The following DIABLO variants were observed in gnomAD, a reference collection of about 807,000 sequenced individuals.
DIABLO encodes the protein diablo homolog, mitochondrial.
A neutral mutation model predicts 31.7 loss-of-function variants in DIABLO; 32 were observed. The observed-to-expected ratio is 1.01, with a 90% CI of 0.76 to 1.35. The LOEUF is 1.35. Among genes scored for constraint, DIABLO ranks in the 40% most tolerant of loss-of-function variants. The probability of loss-of-function intolerance (pLI) is 0.00; values close to 1 mark genes in which losing one functional copy is unlikely to be tolerated. For synonymous variants in DIABLO, 132 were observed against 103.2 expected, an observed-to-expected ratio of 1.28 and a Z score of -1.69; for missense variants, 316 against 286.4, an observed-to-expected ratio of 1.10 and a Z score of -0.75.
Position 122,208,222 on chromosome 12 carries a change from G to T in DIABLO, c.*159C>A. ...GGTCCAGCGCAAGCCTGAGACCACA[G>T]GAGGCACTCACAGCTCACAAAGGCG... On this transcript the variant is annotated 3_prime_UTR_variant, in exon 6 of 6. Transcript: ENST00000464942. 1.2e-6 allele frequency: 1 copy of T among 826,230 alleles called. No individual in the cohort carries two copies. Among genetic ancestry groups the T allele is most frequent in the Non-Finnish European group, 2.0e-6 (1 of 499,922 alleles). 51.2% of individuals were successfully genotyped at this position (826,230 alleles called of 1,614,324 possible).
Position 122,216,116 on chromosome 12 carries a change from G to T in DIABLO, c.523+372C>A, listed in dbSNP as rs140666311. On this transcript the variant is annotated intron_variant, in intron 5 of 5. Coordinates refer to ENST00000464942, the MANE Select transcript of DIABLO (RefSeq NM_001371333.1). ...TCATTTTCTCCATCTGTACAAAAAGGTTCACATAGATTACTCATCTCAAGT... is the reference window on the plus strand; with the variant it reads ...TCATTTTCTCCATCTGTACAAAAAGTTTCACATAGATTACTCATCTCAAGT... Among the ~76,000 whole-genome samples, 205 of 152,214 alleles carry T rather than the reference G, an allele frequency of 1.3e-3. 2 individuals are homozygous for T. Among genetic ancestry groups the T allele is most frequent in the Admixed American group, 0.013 (199 of 15,268 alleles).
chr12:122,218,436 CA>C, intron 2 of DIABLO, 39 bp from the exon 3 acceptor site: 1 of 1,613,536 alleles, frequency 6.2e-7, no homozygotes, highest in South Asian at 1.1e-5. Flanking sequence ...CTCTAAAGCT[CA>C]AACTGAGAAC....
At chr12:122,224,912 C>A (rs182202948) in intron 1 of DIABLO, 43 of 1,192,854 alleles carry the variant, frequency 3.6e-5, no homozygotes, top group Non-Finnish European at 4.4e-5. Flanking sequence ...AGTTCACGAC[C>A]AGCCTGGGCA....
In DIABLO at chr12:122,216,766, C is replaced by G. The variant is rs768413662; in HGVS notation, c.419G>C (p.Arg140Thr). Residue 140 changes from arginine to threonine, a missense_variant, in exon 4 of 6, where the codon AGA becomes ACA. Physicochemically the swap from Arg to Thr is moderately conservative, Grantham distance 71. Coordinates refer to ENST00000464942, the MANE Select transcript of DIABLO (RefSeq NM_001371333.1). ...DEVWQVIIGA[R>T]AEMTSKHQEY... ...CTAGAACTTTCTGCTTACCTCAGCT[C>G]TGGCTCCTATGATCACCTGCCACAC... 4 of 1,614,110 alleles carry G rather than the reference C, an allele frequency of 2.5e-6. No homozygotes were observed. The highest frequency in any genetic ancestry group is 1.1e-5 in the South Asian group (1 of 91,078).
intron 5 of DIABLO, among the ~76,000 whole-genome samples, chr12:122,213,188 A>G (rs954342644): frequency 3.3e-5 from 5 of 151,652 alleles, no homozygotes; most frequent in Admixed American, 3.3e-4. Context: ...TGCTGGGATT[A>G]CAACAGGTAT....
At chr12:122,215,208 A>AG (rs1954180575) in intron 5 of DIABLO, among the ~76,000 whole-genome samples, 1 of 151,644 alleles carries the variant, frequency 6.6e-6, no homozygotes, top group South Asian at 2.1e-4. Flanking sequence ...CTTGAACTGG[A>AG]GAGGCAGAGG....
intron 5 of DIABLO, among the ~76,000 whole-genome samples, chr12:122,215,473 G>A (rs6489250): frequency 0.21 from 32,045 of 151,962 alleles, 8,542 homozygotes; most frequent in African/African-American, 0.63. Context: ...GCGTGGTGGC[G>A]GGTGCCTGTA....
chr12:122,212,631 GTT>G (rs11290492), intron 5 of DIABLO, among the ~76,000 whole-genome samples: 1 of 144,868 alleles, frequency 6.9e-6, no homozygotes, highest in African/African-American at 2.5e-5. Flanking sequence ...ATTTATTTTT[GTT>G]TTTTTTTTTG....
intron 5 of DIABLO, among the ~76,000 whole-genome samples, chr12:122,212,418 A>G (rs1390584973): frequency 2.6e-5 from 4 of 151,904 alleles, no homozygotes; most frequent in African/African-American, 9.7e-5. Flanking sequence ...ATGTCTGAGG[A>G]TATCTTTTAT....
upstream of DIABLO, chr12:122,226,092 C>G (rs746041804): frequency 3.2e-6 from 5 of 1,541,696 alleles, no homozygotes; most frequent in South Asian, 5.9e-5. Context: ...ACGGCCTCCA[C>G]CTGAGAGCGC....
At position 122,207,969 on chromosome 12, in the gene DIABLO, C is replaced by A; in HGVS notation, c.*412G>T. On this transcript the variant is annotated 3_prime_UTR_variant, in exon 6 of 6. Transcript: ENST00000464942. Reference sequence around the variant, plus strand: ...ACAGGTTCCCCTCCCCCTGCCACAACTGGCATCCCAACAGAGGGAACAAGT... The same window carrying A: ...ACAGGTTCCCCTCCCCCTGCCACAAATGGCATCCCAACAGAGGGAACAAGT... The A allele has an allele frequency of 2.1e-6, 1 of 468,036 alleles. No individual in the cohort carries two copies. The highest frequency in any genetic ancestry group is 1.5e-5 in the South Asian group (1 of 64,600). 29.0% of individuals were successfully genotyped at this position (468,036 alleles called of 1,614,324 possible).
chr12:122,225,893 G>A, intron 1 of DIABLO, 72 bp downstream of exon 1: 1 of 1,546,076 alleles, frequency 6.5e-7, no homozygotes. Context: ...GGGCGCCGTG[G>A]GCCGGGCCAC....
At chr12:122,211,077 TAAAAAAAAAAAAAAAAAAAAAAA>T (rs1156571584) in intron 5 of DIABLO, among the ~76,000 whole-genome samples, 20 of 14,346 alleles carry the variant, frequency 1.4e-3, no homozygotes, top group African/African-American at 4.1e-3. Flanking sequence ...TAGTTAAAAG[TAAAAAAAAAAAAAAAAAAAAAAA>T]AAAAAAAAAA....
intron 5 of DIABLO, among the ~76,000 whole-genome samples, chr12:122,210,688 A>G (rs1381491562): frequency 6.6e-6 from 1 of 151,976 alleles, no homozygotes; most frequent in Non-Finnish European, 1.5e-5. Flanking sequence ...TGATATATCA[A>G]CTTTTTAAAT....
At chr12:122,225,150 T>G (rs1191584223) in intron 1 of DIABLO, 1 of 296,436 alleles carries the variant, frequency 3.4e-6, no homozygotes. Flanking sequence ...GAGGCAGAGG[T>G]TGCAGTGAGC....
intron 5 of DIABLO, among the ~76,000 whole-genome samples, chr12:122,214,670 G>A (rs1954164863): frequency 6.6e-6 from 1 of 152,056 alleles, no homozygotes; most frequent in South Asian, 2.1e-4. Context: ...GCCTGCCTTG[G>A]CTTCCCAAAG....
chr12:122,219,829 C>T (rs1413547119), intron 2 of DIABLO, among the ~76,000 whole-genome samples: 3 of 149,956 alleles, frequency 2.0e-5, no homozygotes, highest in African/African-American at 4.9e-5. Context: ...CGTGCCACTT[C>T]ACTCCAGCCT....
upstream of DIABLO, chr12:122,226,131 G>A (rs758154307): frequency 2.5e-5 from 36 of 1,443,438 alleles, no homozygotes; most frequent in African/African-American, 4.2e-4. Context: ...CCCCACCCAA[G>A]GAAGCAGTCG....
rs772481515 is a variant in DIABLO, at chr12:122,208,451, C to T, written c.650G>A (p.Arg217His). ...KLAEAQIEEL[R>H]QKTQEEGEER... ...CTCCCCTTCCTCCTGTGTTTTCTGA[C>T]GGAGCTCTTCTATCTGTGCTTCTGC... Residue 217 changes from arginine to histidine, a missense_variant, in exon 6 of 6, where the codon CGT becomes CAT. Coordinates refer to ENST00000464942, the MANE Select transcript of DIABLO (RefSeq NM_001371333.1). The T allele has an allele frequency of 8.1e-6, 13 of 1,614,102 alleles. No individual in the cohort carries two copies. Among genetic ancestry groups the T allele is most frequent in the East Asian group, 4.5e-5 (2 of 44,886 alleles).
Sources: gnomAD v4.1 joint callset for allele counts (sites outside exome capture counted in the v4.1 genomes callset) on GRCh38, gnomAD v4.1.1 for gene constraint, MANE v1.5 for transcripts, NCBI Gene and HGNC (gene_info 2026-07-23, HGNC 2026-07-21) for gene names.